RAB14: variants seen among roughly 807,000 people sequenced by gnomAD.
The protein encoded by RAB14 is ras-related protein Rab-14.
In RAB14, 3 loss-of-function variants were observed where a neutral mutation model predicts 31.1. The ratio of observed to expected loss-of-function variants is 0.10; its 90% CI spans 0.04 to 0.25. RAB14 has a LOEUF of 0.25. RAB14 is among the 10% of genes least tolerant of loss of function. The pLI is 1.00. For missense variants in RAB14, 111 were observed against 260.1 expected (o/e 0.43, Z 3.94); for synonymous variants, 85 against 84.9 (o/e 1.00, Z 0.00).
chr9:121,187,034 G>T lies in RAB14; in HGVS notation c.285-15C>A. ...ATGTACTTCTTCTGCAAAAATAAAAGTTTAAATTTGTGACTGCCATATAAT... is the reference window on the plus strand; with the variant it reads ...ATGTACTTCTTCTGCAAAAATAAAATTTTAAATTTGTGACTGCCATATAAT... On this transcript the variant is annotated splice_polypyrimidine_tract_variant and intron_variant, in intron 4 of 7. Coordinates refer to ENST00000373840, the MANE Select transcript of RAB14 (RefSeq NM_016322.4). The T allele has an allele frequency of 6.7e-7, 1 of 1,502,486 alleles. No individual in the cohort carries two copies. 93.1% of individuals were successfully genotyped at this position (1,502,486 alleles called of 1,614,324 possible).
chr9:121,200,984 C>A (rs1200424994), intron 1 of RAB14, among the ~76,000 whole-genome samples: 1 of 152,176 alleles, frequency 6.6e-6, no homozygotes, highest in Non-Finnish European at 1.5e-5. Flanking sequence ...GGTTCAGGGC[C>A]GTAGAGGCTG....
In RAB14 at chr9:121,178,959, C is replaced by G. The variant is rs951830196; in HGVS notation, c.*2437G>C. ...CACACGCATGTTACAATATGACAAT[C>G]TGCTCTATTTGTGAGCACCTGAGTG... On this transcript the variant is annotated 3_prime_UTR_variant, in exon 8 of 8. Transcript: ENST00000373840. The G allele has an allele frequency of 6.6e-6, 1 of 152,230 alleles. No homozygotes were observed. Among genetic ancestry groups the G allele is most frequent in the Admixed American group, 6.5e-5 (1 of 15,284 alleles). The allele number at this position is 152,230 out of a possible 1,614,324, so 9.4% of individuals were successfully genotyped here.
At chr9:121,188,676 G>A (rs920990597) in intron 4 of RAB14, among the ~76,000 whole-genome samples, 2 of 151,856 alleles carry the variant, frequency 1.3e-5, no homozygotes, top group African/African-American at 2.4e-5. Context: ...GGACTTTTAC[G>A]TTTGTAAAAT....
chr9:121,184,611 A>C (rs2053650016), intron 5 of RAB14, among the ~76,000 whole-genome samples: 2 of 152,168 alleles, frequency 1.3e-5, no homozygotes, highest in African/African-American at 4.8e-5. Flanking sequence ...ATGTAAAATT[A>C]CAGCTCCTGG....
At chr9:121,195,431 A>G (rs1369629617) in intron 1 of RAB14, among the ~76,000 whole-genome samples, 2 of 152,136 alleles carry the variant, frequency 1.3e-5, no homozygotes, top group Non-Finnish European at 2.9e-5. Flanking sequence ...ATTTTATGTT[A>G]AAGCTATGAC....
chr9:121,196,870 T>C (rs1459939863), intron 1 of RAB14, among the ~76,000 whole-genome samples: 2 of 152,244 alleles, frequency 1.3e-5, no homozygotes, highest in South Asian at 2.1e-4. Flanking sequence ...GAGTAAACCA[T>C]GTAATGATCT....
rs1219650316 is a variant in RAB14 at position 121,186,937 on chromosome 9, A to T, written c.351+16T>A. 4.0e-6 allele frequency: 6 copies of T among 1,503,532 alleles called. No individual in the cohort carries two copies. The highest frequency in any genetic ancestry group is 5.3e-6 in the Non-Finnish European group (6 of 1,123,316). 93.1% of individuals were successfully genotyped at this position (1,503,532 alleles called of 1,614,324 possible). ...GTTCTTAAATTTTCTGTGTAATAAG[A>T]TGCCATTTAACTTACAGTATTTGGA... On this transcript the variant is annotated intron_variant, in intron 5 of 7. Transcript: ENST00000373840.
At position 121,188,562 on chromosome 9, in the gene RAB14, T is replaced by C. The variant is rs868813769; in HGVS notation, c.285-1543A>G. 1.3e-4 allele frequency among the ~76,000 whole-genome samples: 19 copies of C among 151,870 alleles called. No individual in the cohort carries two copies. In the Middle Eastern group the frequency reaches 0.01, roughly 82 times the overall value. ...TACTAAAAAAAAAGTGCTAAAATACTAGATATGTCAAAATGTTATGGCAAA... is the reference window on the plus strand; with the variant it reads ...TACTAAAAAAAAAGTGCTAAAATACCAGATATGTCAAAATGTTATGGCAAA... On this transcript the variant is annotated intron_variant, in intron 4 of 7. Coordinates refer to ENST00000373840, the MANE Select transcript of RAB14 (RefSeq NM_016322.4).
chr9:121,185,945 C>T (rs1304290304), intron 5 of RAB14, among the ~76,000 whole-genome samples: 1 of 152,122 alleles, frequency 6.6e-6, no homozygotes, highest in African/African-American at 2.4e-5. Context: ...GGCACAGTCC[C>T]TAGCATGATA....
chr9:121,196,804 C>G (rs181502085), intron 1 of RAB14, among the ~76,000 whole-genome samples: 2 of 152,324 alleles, frequency 1.3e-5, no homozygotes. Context: ...ACTAGTAATA[C>G]TAACTTATAA....
chr9:121,191,752 C>A (rs574148572), intron 3 of RAB14, among the ~76,000 whole-genome samples: 1 of 152,230 alleles, frequency 6.6e-6, no homozygotes, highest in Admixed American at 6.5e-5. Flanking sequence ...ATATCAGTTA[C>A]AACACATTGG....
At chr9:121,200,598 G>A (rs1392895369) in intron 1 of RAB14, among the ~76,000 whole-genome samples, 1 of 152,154 alleles carries the variant, frequency 6.6e-6, no homozygotes, top group Non-Finnish European at 1.5e-5. Flanking sequence ...GTCATAAAAG[G>A]GTAATCAGCT....
At chr9:121,195,634 G>C (rs541670984) in intron 1 of RAB14, among the ~76,000 whole-genome samples, 1 of 151,982 alleles carries the variant, frequency 6.6e-6, no homozygotes, top group East Asian at 1.9e-4. Context: ...TAAAAGAAAT[G>C]ATCACTATTT....
intron 1 of RAB14, among the ~76,000 whole-genome samples, chr9:121,197,591 CCTTT>C (rs1165692081): frequency 3.9e-5 from 6 of 152,124 alleles, no homozygotes; most frequent in Non-Finnish European, 8.8e-5. Flanking sequence ...GAATCAGACA[CCTTT>C]CTAAGATTAC....
At chr9:121,193,910 A>G (rs1564321453) in intron 1 of RAB14, among the ~76,000 whole-genome samples, 1 of 152,154 alleles carries the variant, frequency 6.6e-6, no homozygotes, top group East Asian at 1.9e-4. Flanking sequence ...TATAAACACA[A>G]AACAACGTTT....
At chr9:121,192,115 G>A (rs2053690046) in intron 3 of RAB14, 56 bp downstream of exon 3, 1 of 1,314,178 alleles carries the variant, frequency 7.6e-7, no homozygotes, top group East Asian at 2.4e-5. Flanking sequence ...TTTCTAAAAA[G>A]TAGAAACATG....
At chr9:121,201,266 C>A (rs1189603666) in intron 1 of RAB14, among the ~76,000 whole-genome samples, 1 of 152,202 alleles carries the variant, frequency 6.6e-6, no homozygotes, top group Non-Finnish European at 1.5e-5. Context: ...GGGCGGGCTG[C>A]GGCCGCGGGG....
At chr9:121,200,328 G>C (rs1240274036) in intron 1 of RAB14, among the ~76,000 whole-genome samples, 1 of 152,184 alleles carries the variant, frequency 6.6e-6, no homozygotes, top group Non-Finnish European at 1.5e-5. Flanking sequence ...TAAATAAAAG[G>C]CAGTTGTTCC....
chr9:121,188,686 T>C (rs2053671009), intron 4 of RAB14, among the ~76,000 whole-genome samples: 1 of 151,894 alleles, frequency 6.6e-6, no homozygotes, highest in African/African-American at 2.4e-5. Flanking sequence ...GTTTGTAAAA[T>C]GTCAAAGAAT....
Sources: gnomAD v4.1 joint callset for allele counts (sites outside exome capture counted in the v4.1 genomes callset) on GRCh38, gnomAD v4.1.1 for gene constraint, MANE v1.5 for transcripts, NCBI Gene and HGNC (gene_info 2026-07-23, HGNC 2026-07-21) for gene names.